The following EDAR variants were observed in gnomAD, a reference collection of about 807,000 sequenced individuals.
EDAR encodes the protein tumor necrosis factor receptor superfamily member EDAR.
EDAR carries 38 observed loss-of-function variants against 51.3 expected under a neutral mutation model. The ratio of observed to expected loss-of-function variants is 0.74; its 90% CI spans 0.57 to 0.97. The LOEUF is 0.97. Among genes scored for constraint, EDAR ranks in the 50% least tolerant of loss-of-function variants. The probability of loss-of-function intolerance (pLI) is 0.00; values close to 1 mark genes in which losing one functional copy is unlikely to be tolerated. For synonymous variants in EDAR, 227 were observed against 242.1 expected, an observed-to-expected ratio of 0.94 and a Z score of 0.58; for missense variants, 528 against 595.0, an observed-to-expected ratio of 0.89 and a Z score of 1.17.
Position 108,958,875 on chromosome 2 carries a change from G to A in EDAR, c.-18-27843C>T, listed in dbSNP as rs534160753. On this transcript the variant is annotated intron_variant, in intron 1 of 11. Coordinates refer to ENST00000258443, the MANE Select transcript of EDAR (RefSeq NM_022336.4). ...CAGGCTCATGGCTGGCTGGGAAAAG[G>A]CACCAAGTTTGGGGCAGGTGACAAC... 3.2e-4 allele frequency among the ~76,000 whole-genome samples: 49 copies of A among 151,750 alleles called. No individual in the cohort carries two copies. In the South Asian group the frequency reaches 9.4e-3, roughly 29 times the overall value.
At chr2:108,920,660 C>T (rs769358994) in intron 5 of EDAR, among the ~76,000 whole-genome samples, 1 of 152,212 alleles carries the variant, frequency 6.6e-6, no homozygotes, top group Non-Finnish European at 1.5e-5. Context: ...GACGCCTGTC[C>T]TCTTTGGTTT....
At chr2:108,899,647 A>G (rs1696663305) in intron 11 of EDAR, among the ~76,000 whole-genome samples, 1 of 152,226 alleles carries the variant, frequency 6.6e-6, no homozygotes, top group East Asian at 1.9e-4. Flanking sequence ...AAAGGGACAT[A>G]GAGAAAGGTA....
In EDAR at chr2:108,906,894, C is replaced by T. The variant is rs138670127; in HGVS notation, c.964-526G>A. Among the ~76,000 whole-genome samples, 858 of 152,360 alleles carry T rather than the reference C, an allele frequency of 5.6e-3. 9 individuals are homozygous for T. Among genetic ancestry groups the T allele is most frequent in the African/African-American group, 0.02 (822 of 41,590 alleles). On this transcript the variant is annotated intron_variant, in intron 10 of 11. Coordinates refer to ENST00000258443, the MANE Select transcript of EDAR (RefSeq NM_022336.4). ...ATTACAGAGGTCACTGAACTCGGGG[C>T]AGGCAGAGCTTGGCATCCTATCAGG...
intron 1 of EDAR, among the ~76,000 whole-genome samples, chr2:108,972,796 T>A (rs1698259985): frequency 6.6e-6 from 1 of 152,180 alleles, no homozygotes; most frequent in Non-Finnish European, 1.5e-5. Flanking sequence ...CCGGGGGGCC[T>A]CCGGCAGGGG....
At chr2:108,911,863 G>T (rs985095053) in intron 6 of EDAR, among the ~76,000 whole-genome samples, 1 of 152,196 alleles carries the variant, frequency 6.6e-6, no homozygotes, top group Non-Finnish European at 1.5e-5. Context: ...TCCCCTGTGG[G>T]TGCATCTGCA....
chr2:108,955,997 C>T (rs1442717298), intron 1 of EDAR, among the ~76,000 whole-genome samples: 1 of 151,790 alleles, frequency 6.6e-6, no homozygotes, highest in Non-Finnish European at 1.5e-5. Flanking sequence ...CCACTGTACT[C>T]CAGCCTGGGC....
intron 1 of EDAR, among the ~76,000 whole-genome samples, chr2:108,943,091 A>C (rs913502697): frequency 6.6e-6 from 1 of 152,032 alleles, no homozygotes. Flanking sequence ...CTTACATTCG[A>C]GTCCCAGCAT....
At chr2:108,910,893 G>T (rs369135198) in intron 7 of EDAR, 43 bp from the exon 8 acceptor site, 2 of 1,613,962 alleles carry the variant, frequency 1.2e-6, no homozygotes, top group African/African-American at 1.3e-5. Context: ...TCTCCGACAG[G>T]GGGAGTTGAC....
chr2:108,942,555 C>T (rs922659529), intron 1 of EDAR, among the ~76,000 whole-genome samples: 3 of 152,270 alleles, frequency 2.0e-5, no homozygotes, highest in Admixed American at 6.5e-5. Context: ...CGTCTCCCTC[C>T]CGTTCTAGAA....
At chr2:108,943,393 A>G (rs1697647152) in intron 1 of EDAR, among the ~76,000 whole-genome samples, 1 of 152,204 alleles carries the variant, frequency 6.6e-6, no homozygotes, top group Admixed American at 6.5e-5. Flanking sequence ...TTCTTTATAT[A>G]GTTAAATTAT....
chr2:108,962,517 CA>C (rs977842750), intron 1 of EDAR, among the ~76,000 whole-genome samples: 2 of 150,938 alleles, frequency 1.3e-5, no homozygotes, highest in African/African-American at 4.9e-5. Flanking sequence ...ACTAAAAATA[CA>C]AAAAAAATTA....
chr2:108,966,936 GGTTT>G (rs200541799), intron 1 of EDAR, among the ~76,000 whole-genome samples: 2,681 of 152,228 alleles, frequency 0.018, 39 homozygotes, highest in African/African-American at 0.038. Context: ...ATTGTGCATG[GGTTT>G]GTTTGTTTGT....
chr2:108,926,933 C>T (rs1697267522), intron 4 of EDAR, among the ~76,000 whole-genome samples: 1 of 152,198 alleles, frequency 6.6e-6, no homozygotes, highest in South Asian at 2.1e-4. Context: ...CACAGCGTGA[C>T]AGCCTCGTAA....
At chr2:108,974,079 C>A (rs958304053) in intron 1 of EDAR, among the ~76,000 whole-genome samples, 1 of 152,006 alleles carries the variant, frequency 6.6e-6, no homozygotes, top group Non-Finnish European at 1.5e-5. Flanking sequence ...CCTGTAATCC[C>A]AGCACTTTGG....
chr2:108,962,060 TC>T (rs1413118080), intron 1 of EDAR, among the ~76,000 whole-genome samples: 1 of 152,206 alleles, frequency 6.6e-6, no homozygotes, highest in East Asian at 1.9e-4. Flanking sequence ...GAGACTTTTT[TC>T]CCTGTGTAAA....
Position 108,933,603 on chromosome 2 carries a change from A to G in EDAR, c.-18-2571T>C, listed in dbSNP as rs55934826. 2.0e-3 allele frequency among the ~76,000 whole-genome samples: 298 copies of G among 152,356 alleles called. 1 individual carries two copies. The highest frequency in any genetic ancestry group is 4.2e-3 in the Admixed American group (65 of 15,304). ...TTCCAGACCCTCTTGATGAGGTTCA[A>G]AAACTGCCTTTTCCCACACACTGCC... On this transcript the variant is annotated intron_variant, in intron 1 of 11. Coordinates refer to ENST00000258443, the MANE Select transcript of EDAR (RefSeq NM_022336.4).
chr2:108,911,172 G>C (rs1402070128), intron 6 of EDAR, 100 bp from the exon 7 acceptor site: 1 of 1,451,808 alleles, frequency 6.9e-7, no homozygotes, highest in African/African-American at 1.4e-5. Flanking sequence ...CTGCCCCTGG[G>C]ATGCTTTCAG....
intron 1 of EDAR, among the ~76,000 whole-genome samples, chr2:108,979,467 T>TCTCTCTCA (rs1159379988): frequency 1.6e-4 from 23 of 147,222 alleles, no homozygotes; most frequent in South Asian, 1.5e-3. Context: ...TCTCTCTCTC[T>TCTCTCTCA]CACACACACA....
chr2:108,972,941 T>G (rs949574909), intron 1 of EDAR, among the ~76,000 whole-genome samples: 1 of 152,238 alleles, frequency 6.6e-6, no homozygotes, highest in Non-Finnish European at 1.5e-5. Flanking sequence ...CCAAAGAATT[T>G]CTTAGGAAGA....
Sources: gnomAD v4.1 joint callset for allele counts (sites outside exome capture counted in the v4.1 genomes callset) on GRCh38, gnomAD v4.1.1 for gene constraint, MANE v1.5 for transcripts, NCBI Gene and HGNC (gene_info 2026-07-23, HGNC 2026-07-21) for gene names.